The following CCDC171 variants were observed in gnomAD, a reference collection of about 807,000 sequenced individuals.
The protein encoded by CCDC171 is coiled-coil domain containing 171, also known as coiled-coil domain-containing protein 171.
Under a neutral mutation model 168.2 loss-of-function variants are expected in CCDC171, and 177 were observed. The ratio of observed to expected loss-of-function variants is 1.05; its 90% confidence interval spans 0.93 to 1.19. The LOEUF (loss-of-function observed/expected upper bound fraction) is 1.19, where lower values mean the gene tolerates loss of function less well. CCDC171 is among the 50% of genes most tolerant of loss of function. The pLI is 0.00. For synonymous variants in CCDC171, 687 were observed against 540.8 expected (o/e 1.27, Z -3.75); for missense variants, 1,991 against 1,539.0 (o/e 1.29, Z -4.91).
At chr9:15,627,956 C>G (rs1333065284) in intron 7 of CCDC171, among the ~76,000 whole-genome samples, 1 of 152,102 alleles carries the variant, frequency 6.6e-6, no homozygotes, top group African/African-American at 2.4e-5. Flanking sequence ...GAGTCTAAGT[C>G]TCTTGGGTTA....
chr9:16,002,749 A>T (rs529328524), intron 3 of CCDC171, among the ~76,000 whole-genome samples: 1 of 152,376 alleles, frequency 6.6e-6, no homozygotes, highest in Non-Finnish European at 1.5e-5. Flanking sequence ...CCAGTCCTGC[A>T]AGCTCCATTC....
chr9:15,928,778 G>A (rs2132107889), intron 25 of CCDC171, among the ~76,000 whole-genome samples: 1 of 151,740 alleles, frequency 6.6e-6, no homozygotes, highest in South Asian at 2.1e-4. Context: ...CAGTCAGCAT[G>A]CAAAATATAT....
chr9:15,893,787 T>C (rs1281609391), intron 24 of CCDC171, among the ~76,000 whole-genome samples: 1 of 152,062 alleles, frequency 6.6e-6, no homozygotes, highest in African/African-American at 2.4e-5. Context: ...ACACAGATGC[T>C]GGTGAGGTCG....
intron 21 of CCDC171, among the ~76,000 whole-genome samples, chr9:15,794,301 C>G (rs1054868609): frequency 3.3e-5 from 5 of 152,160 alleles, no homozygotes; most frequent in African/African-American, 1.2e-4. Context: ...CCCGTCTCTA[C>G]TAAAAATACA....
the CCDC171 span, among the ~76,000 whole-genome samples, chr9:16,077,026 C>T: frequency 2.3e-4 from 35 of 152,170 alleles, no homozygotes; most frequent in African/African-American, 8.2e-4. Flanking sequence ...GGAACTCAAC[C>T]AACAATAATG....
Position 15,836,076 on chromosome 9 carries a change from T to G in CCDC171, c.3268-10626T>G, listed in dbSNP as rs146937895. On this transcript the variant is annotated intron_variant, in intron 21 of 25. Coordinates refer to ENST00000380701, the MANE Select transcript of CCDC171 (RefSeq NM_173550.4). The stretch of plus-strand genomic sequence containing the variant: ...ATATCTTCCCCCAATGATCCAATAT[T>G]AAATGAGCCTAGACACTGATTTTCT... 6.6e-5 allele frequency among the ~76,000 whole-genome samples: 10 copies of G among 152,306 alleles called. No homozygotes were observed. In the East Asian group the frequency reaches 1.9e-3, roughly 29 times the overall value.
intron 3 of CCDC171, among the ~76,000 whole-genome samples, chr9:16,009,523 T>C (rs1447799576): frequency 6.6e-6 from 1 of 152,220 alleles, no homozygotes; most frequent in African/African-American, 2.4e-5. Context: ...TGTTCTTATC[T>C]TGGACCCGTT....
At chr9:15,981,235 T>G (rs1831787661) in intron 3 of CCDC171, among the ~76,000 whole-genome samples, 1 of 152,108 alleles carries the variant, frequency 6.6e-6, no homozygotes, top group South Asian at 2.1e-4. Flanking sequence ...TACTTCAGAT[T>G]AGAAGAGGTC....
intron 9 of CCDC171, among the ~76,000 whole-genome samples, chr9:15,667,087 AC>A (rs2048786897): frequency 6.6e-6 from 1 of 152,160 alleles, no homozygotes; most frequent in Non-Finnish European, 1.5e-5. Context: ...ACTGATTTTA[AC>A]CTTTTTCAGT....
chr9:15,946,941 A>C (rs1828469737), intron 25 of CCDC171, among the ~76,000 whole-genome samples: 2 of 151,908 alleles, frequency 1.3e-5, no homozygotes, highest in Non-Finnish European at 2.9e-5. Flanking sequence ...TTTTTTTCTG[A>C]ATTACAGGGT....
At chr9:15,932,495 TA>T (rs1263226574) in intron 25 of CCDC171, among the ~76,000 whole-genome samples, 1 of 151,958 alleles carries the variant, frequency 6.6e-6, no homozygotes, top group Non-Finnish European at 1.5e-5. Context: ...TTATTACTTG[TA>T]AAAGTTTTTT....
chr9:15,728,131 C>T, intron 15 of CCDC171, 95 bp downstream of exon 15: 1 of 959,752 alleles, frequency 1.0e-6, no homozygotes, highest in Non-Finnish European at 1.5e-6. Flanking sequence ...CATCTTATTT[C>T]AAAAAGAATT....
At chr9:15,604,028 TG>T (rs1376012019) in intron 6 of CCDC171, among the ~76,000 whole-genome samples, 3 of 152,314 alleles carry the variant, frequency 2.0e-5, no homozygotes, top group Admixed American at 2.0e-4. Flanking sequence ...TTTTCATGTT[TG>T]TTGGCTGCAT....
intron 16 of CCDC171, among the ~76,000 whole-genome samples, chr9:15,738,735 C>G (rs2054653746): frequency 6.6e-6 from 1 of 151,984 alleles, no homozygotes; most frequent in Non-Finnish European, 1.5e-5. Context: ...AAAGTAGTTC[C>G]CTATGGAAAG....
intron 9 of CCDC171, among the ~76,000 whole-genome samples, chr9:15,667,162 G>A (rs957020888): frequency 6.6e-6 from 1 of 152,004 alleles, no homozygotes; most frequent in African/African-American, 2.4e-5. Context: ...GCATTAATAT[G>A]TTTCCAAAAA....
At chr9:15,831,843 A>G (rs144936206) in intron 21 of CCDC171, among the ~76,000 whole-genome samples, 1 of 144,322 alleles carries the variant, frequency 6.9e-6, no homozygotes, top group Non-Finnish European at 1.5e-5. Context: ...TTGTAATCAT[A>G]TTTTTCCTGG....
intron 6 of CCDC171, among the ~76,000 whole-genome samples, chr9:15,608,992 A>C (rs1187142079): frequency 1.1e-4 from 14 of 128,186 alleles, no homozygotes; most frequent in African/African-American, 3.8e-4. Context: ...TTTTTTAAAA[A>C]ATATATTTAG....
chr9:16,080,842 C>G, the CCDC171 span, among the ~76,000 whole-genome samples: 1 of 152,162 alleles, frequency 6.6e-6, no homozygotes, highest in Admixed American at 6.6e-5. Flanking sequence ...GGCTTTTCTG[C>G]TGCCCCCAGG....
chr9:15,606,518 C>G lies in CCDC171; in HGVS notation c.675+12346C>G, dbSNP rs367611065. On this transcript the variant is annotated intron_variant, in intron 6 of 25. Transcript: ENST00000380701. ...TAGAGAGGAGGAACTTGTTCTGGGT[C>G]TTTCAGGAGATAATAATGTAATAGA... 5.0e-4 allele frequency among the ~76,000 whole-genome samples: 76 copies of G among 152,198 alleles called. 1 individual carries two copies. The South Asian group carries it at 0.016, about 32-fold the overall frequency.
Sources: allele counts gnomAD v4.1 joint callset (sites outside exome capture counted in the v4.1 genomes callset), GRCh38; gene constraint gnomAD v4.1.1; transcripts MANE v1.5; gene names NCBI Gene and HGNC (gene_info 2026-07-23, HGNC 2026-07-21).